PAK5: variants seen among roughly 807,000 people sequenced by gnomAD.
PAK5 encodes the protein serine/threonine-protein kinase PAK 5.
In PAK5, 16 loss-of-function variants were observed where a neutral mutation model predicts 65.9. The ratio of observed to expected loss-of-function variants is 0.24; its 90% CI spans 0.16 to 0.37. PAK5 has a LOEUF of 0.37. Ranked by LOEUF, PAK5 falls within the 10% of genes least tolerant of loss-of-function variation. PAK5 has a pLI of 1.00. For missense variants in PAK5, 785 were observed against 903.9 expected (o/e 0.87, Z 1.69); for synonymous variants, 371 against 354.9 (o/e 1.05, Z -0.51).
intron 1 of PAK5, among the ~76,000 whole-genome samples, 151 bp from the exon 2 acceptor site, chr20:9,711,586 G>T (rs558563791): frequency 6.6e-6 from 1 of 152,192 alleles, no homozygotes; most frequent in East Asian, 1.9e-4. Context: ...ATGCAGCTAC[G>T]GATCTGTATA....
At chr20:9,562,812 A>G (rs2045611561) in intron 6 of PAK5, 79 bp downstream of exon 6, 1 of 1,322,862 alleles carries the variant, frequency 7.6e-7, no homozygotes, top group Admixed American at 2.1e-5. Flanking sequence ...CAATTTATGA[A>G]GAGTTCATAG....
intron 1 of PAK5, among the ~76,000 whole-genome samples, chr20:9,755,407 G>A (rs1035153207): frequency 1.3e-5 from 2 of 152,148 alleles, no homozygotes; most frequent in Non-Finnish European, 2.9e-5. Context: ...AGAGATCACA[G>A]CCTCACTCAC....
intron 3 of PAK5, among the ~76,000 whole-genome samples, chr20:9,626,783 A>T (rs140286831): frequency 2.3e-4 from 35 of 151,524 alleles, no homozygotes; most frequent in Non-Finnish European, 1.2e-4. Context: ...ATTTTTATTT[A>T]TTTTTTTTTC....
chr20:9,674,235 C>T (rs1051582454), intron 2 of PAK5, among the ~76,000 whole-genome samples: 5 of 152,034 alleles, frequency 3.3e-5, no homozygotes, highest in Non-Finnish European at 7.4e-5. Flanking sequence ...CCTTGAGATC[C>T]ACAGTTCTAA....
At chr20:9,819,018 A>C (rs1200289370) in intron 1 of PAK5, among the ~76,000 whole-genome samples, 1 of 152,206 alleles carries the variant, frequency 6.6e-6, no homozygotes, top group Non-Finnish European at 1.5e-5. Context: ...AATCACTTAA[A>C]TCACTGAGAG....
chr20:9,700,741 A>G (rs913995382), intron 2 of PAK5, among the ~76,000 whole-genome samples: 1 of 152,200 alleles, frequency 6.6e-6, no homozygotes, highest in Non-Finnish European at 1.5e-5. Context: ...TCCAATTGCC[A>G]GTGCAGATAG....
chr20:9,664,956 T>C (rs2047394138), intron 2 of PAK5, among the ~76,000 whole-genome samples: 1 of 152,070 alleles, frequency 6.6e-6, no homozygotes, highest in Non-Finnish European at 1.5e-5. Flanking sequence ...AGGCAGAGTC[T>C]TGTTCTGTTG....
chr20:9,709,701 A>C (rs2423431), intron 2 of PAK5, among the ~76,000 whole-genome samples: 102,320 of 151,986 alleles, frequency 0.67, 34,679 homozygotes, highest in East Asian at 0.84. Flanking sequence ...AGTTTAGAAC[A>C]ATTTCAGACA....
chr20:9,709,414 T>G (rs1208244799), intron 2 of PAK5, among the ~76,000 whole-genome samples: 2 of 152,202 alleles, frequency 1.3e-5, no homozygotes, highest in Non-Finnish European at 2.9e-5. Context: ...ACCAGCATCC[T>G]GTACCAGCTT....
rs767321786 is a variant in PAK5 at position 9,537,543 on chromosome 20, C to T, written c.*1919G>A. The stretch of plus-strand genomic sequence containing the variant: ...AAATTACAGAAAAATTTCCATTACA[C>T]TGTCGAAAATGTTTGGAATCCAAAA... On this transcript the variant is annotated 3_prime_UTR_variant, in exon 10 of 10. Coordinates refer to ENST00000353224, the MANE Select transcript of PAK5 (RefSeq NM_177990.4). The T allele has an allele frequency of 9.6e-6, 2 of 208,858 alleles. No homozygotes were observed. Among genetic ancestry groups the T allele is most frequent in the Non-Finnish European group, 9.8e-6 (1 of 102,518 alleles). The allele number at this position is 208,858 out of a possible 1,614,324, so 12.9% of individuals were successfully genotyped here. A position where few individuals can be genotyped will look rare whatever the true frequency, so the allele number is the denominator to read the frequency against.
At position 9,538,752 on chromosome 20, in the gene PAK5, G is replaced by A. The variant is rs80247339; in HGVS notation, c.*710C>T. On this transcript the variant is annotated 3_prime_UTR_variant, in exon 10 of 10. Transcript: ENST00000353224. Reference sequence around the variant, plus strand: ...TTATTTTTGGTTGGATTAATGAAACGTGCACACCATCACCATCACTCTTAA... The same window carrying A: ...TTATTTTTGGTTGGATTAATGAAACATGCACACCATCACCATCACTCTTAA... 3.3e-3 allele frequency: 761 copies of A among 233,272 alleles called. 25 individuals are homozygous for A. The East Asian group carries it at 0.046, about 14-fold the overall frequency. The allele number at this position is 233,272 out of a possible 1,614,324, so 14.5% of individuals were successfully genotyped here. A position where few individuals can be genotyped will look rare whatever the true frequency, so the allele number is the denominator to read the frequency against.
At chr20:9,553,293 C>A (rs1385293189) in intron 7 of PAK5, among the ~76,000 whole-genome samples, 1 of 152,088 alleles carries the variant, frequency 6.6e-6, no homozygotes, top group African/African-American at 2.4e-5. Context: ...TGAGTTACTA[C>A]GGTGGGCAAC....
At chr20:9,615,430 A>C (rs1251583350) in intron 3 of PAK5, among the ~76,000 whole-genome samples, 1 of 152,222 alleles carries the variant, frequency 6.6e-6, no homozygotes, top group African/African-American at 2.4e-5. Flanking sequence ...GGCAGGGGGC[A>C]TATGGAAATC....
At chr20:9,660,241 T>C (rs1450185616) in intron 2 of PAK5, among the ~76,000 whole-genome samples, 3 of 151,824 alleles carry the variant, frequency 2.0e-5, no homozygotes, top group Admixed American at 6.6e-5. Context: ...ACAGAGGCAC[T>C]GCACGTGGAT....
chr20:9,819,651 G>A (rs972292845), intron 1 of PAK5, among the ~76,000 whole-genome samples: 9 of 151,486 alleles, frequency 5.9e-5, no homozygotes, highest in African/African-American at 2.2e-4. Context: ...CTCTACCCCC[G>A]TTCTCTGTCA....
intron 1 of PAK5, among the ~76,000 whole-genome samples, chr20:9,830,864 G>C (rs1175930988): frequency 6.6e-6 from 1 of 152,216 alleles, no homozygotes; most frequent in Non-Finnish European, 1.5e-5. Flanking sequence ...TGCAAAGAGA[G>C]GGATGAGTGG....
intron 1 of PAK5, among the ~76,000 whole-genome samples, chr20:9,772,681 G>C (rs2048847042): frequency 6.6e-6 from 1 of 152,220 alleles, no homozygotes; most frequent in African/African-American, 2.4e-5. Flanking sequence ...CCTGTGTTTG[G>C]TGGATGTGGT....
intron 2 of PAK5, among the ~76,000 whole-genome samples, chr20:9,676,625 T>C (rs971869446): frequency 6.6e-6 from 1 of 152,218 alleles, no homozygotes; most frequent in African/African-American, 2.4e-5. Flanking sequence ...TTCTGAATTC[T>C]GAATTGTGTT....
At chr20:9,767,367 C>A (rs1163390889) in intron 1 of PAK5, among the ~76,000 whole-genome samples, 5 of 152,202 alleles carry the variant, frequency 3.3e-5, no homozygotes, top group Non-Finnish European at 7.3e-5. Context: ...CTAAGGTCCA[C>A]TCACCTGTCT....
Sources: gnomAD v4.1 joint callset for allele counts (sites outside exome capture counted in the v4.1 genomes callset) on GRCh38, gnomAD v4.1.1 for gene constraint, MANE v1.5 for transcripts, NCBI Gene and HGNC (gene_info 2026-07-23, HGNC 2026-07-21) for gene names.